CNTNAP5: variants seen among roughly 807,000 people sequenced by gnomAD.
CNTNAP5 encodes contactin-associated protein-like 5.
CNTNAP5 carries 72 observed loss-of-function variants against 150.2 expected under a neutral mutation model. That is an observed-to-expected ratio of 0.48 (90% CI 0.40 to 0.58). The LOEUF is 0.58. Ranked by LOEUF, CNTNAP5 falls within the 20% of genes least tolerant of loss-of-function variation. CNTNAP5 has a pLI of 0.00. For synonymous variants in CNTNAP5, 672 were observed against 619.8 expected, an observed-to-expected ratio of 1.08 and a Z score of -1.25; for missense variants, 1,636 against 1,626.2, an observed-to-expected ratio of 1.01 and a Z score of -0.10.
At chr2:124,503,888 T>A (rs191179309) in intron 7 of CNTNAP5, among the ~76,000 whole-genome samples, 22 of 152,360 alleles carry the variant, frequency 1.4e-4, no homozygotes, top group Non-Finnish European at 2.1e-4. Flanking sequence ...CTTGTCCAGT[T>A]ATTTCTCCTG....
chr2:124,837,724 G>A (rs1017401317), intron 19 of CNTNAP5, among the ~76,000 whole-genome samples: 1 of 152,052 alleles, frequency 6.6e-6, no homozygotes, highest in African/African-American at 2.4e-5. Flanking sequence ...ATATAAACAC[G>A]CTTCTCCTAG....
At chr2:124,588,158 T>C (rs1558966010) in intron 11 of CNTNAP5, among the ~76,000 whole-genome samples, 2 of 9,678 alleles carry the variant, frequency 2.1e-4, no homozygotes, top group Admixed American at 2.5e-3. Flanking sequence ...TTCCTTCCTT[T>C]TCCTTCCTTC....
intron 10 of CNTNAP5, among the ~76,000 whole-genome samples, chr2:124,553,493 G>C (rs1197512637): frequency 1.6e-5 from 2 of 124,710 alleles, no homozygotes; most frequent in Admixed American, 8.7e-5. Flanking sequence ...AGCAGACCAA[G>C]ACTCTGTCTC....
Position 124,391,996 on chromosome 2 carries a change from A to T in CNTNAP5, c.382-25447A>T, listed in dbSNP as rs116620921. Among the ~76,000 whole-genome samples, 449 of 152,272 alleles carry T rather than the reference A, an allele frequency of 2.9e-3. 1 individual carries two copies. Among genetic ancestry groups the T allele is most frequent in the African/African-American group, 0.01 (427 of 41,570 alleles). ...AAAAAAGGGAAAGGTGAGAGCAGGC[A>T]CTGAGAATGACAGGAAAATAAGGCA... On this transcript the variant is annotated intron_variant, in intron 3 of 23. Coordinates refer to ENST00000682447, the MANE Select transcript of CNTNAP5 (RefSeq NM_001367498.1).
chr2:124,746,398 T>A (rs916700887), intron 13 of CNTNAP5, among the ~76,000 whole-genome samples: 8 of 152,214 alleles, frequency 5.3e-5, no homozygotes, highest in African/African-American at 1.9e-4. Flanking sequence ...TCCAGTTAGC[T>A]ATAAAGACTG....
chr2:124,171,053 T>A (rs1350080975), intron 1 of CNTNAP5, among the ~76,000 whole-genome samples: 1 of 152,222 alleles, frequency 6.6e-6, no homozygotes, highest in Non-Finnish European at 1.5e-5. Flanking sequence ...TATTCATTTC[T>A]AAGTTGCTGA....
intron 1 of CNTNAP5, among the ~76,000 whole-genome samples, chr2:124,145,811 T>TAAAAAAAAAAAAAAAAAAA (rs761766577): frequency 7.8e-5 from 1 of 12,790 alleles, no homozygotes; most frequent in Non-Finnish European, 1.4e-4. Context: ...AAAAAAAACA[T>TAAAAAAAAAAAAAAAAAAA]TAAAAAAAAA....
At chr2:124,348,138 A>T (rs970037251) in intron 3 of CNTNAP5, among the ~76,000 whole-genome samples, 5 of 152,020 alleles carry the variant, frequency 3.3e-5, no homozygotes, top group African/African-American at 1.2e-4. Context: ...ACAATTTTTC[A>T]GTGTACAAGT....
chr2:124,857,294 A>G (rs962143070), intron 19 of CNTNAP5, among the ~76,000 whole-genome samples: 1 of 152,132 alleles, frequency 6.6e-6, no homozygotes, highest in Non-Finnish European at 1.5e-5. Flanking sequence ...TGGACTCGGC[A>G]TATAAGGCAA....
chr2:124,707,141 GA>G (rs1167289026), intron 13 of CNTNAP5, among the ~76,000 whole-genome samples: 3 of 15,824 alleles, frequency 1.9e-4, no homozygotes, highest in East Asian at 0.083. Flanking sequence ...AGAAGAAGAG[GA>G]AGAAGAAGAA....
intron 10 of CNTNAP5, among the ~76,000 whole-genome samples, chr2:124,535,474 T>C (rs889540999): frequency 1.3e-5 from 2 of 151,996 alleles, no homozygotes; most frequent in South Asian, 2.1e-4. Context: ...CACACATTCA[T>C]TTAAGAAAGC....
chr2:124,510,314 T>TAG (rs1694542481), intron 8 of CNTNAP5, among the ~76,000 whole-genome samples: 1 of 119,126 alleles, frequency 8.4e-6, no homozygotes, highest in Non-Finnish European at 1.7e-5. Context: ...TATATATATC[T>TAG]ATATATCTAT....
At chr2:124,188,635 C>T (rs191599694) in intron 1 of CNTNAP5, among the ~76,000 whole-genome samples, 2,621 of 144,824 alleles carry the variant, frequency 0.018, 95 homozygotes, top group African/African-American at 0.063. Context: ...AGGAGAATGG[C>T]GTGAACCCAG....
At chr2:124,686,121 C>T (rs1409194919) in intron 13 of CNTNAP5, among the ~76,000 whole-genome samples, 1 of 151,998 alleles carries the variant, frequency 6.6e-6, no homozygotes, top group Admixed American at 6.6e-5. Context: ...TAAATAGAGA[C>T]AGTAGTGTCT....
At chr2:124,543,068 A>G (rs1207561498) in intron 10 of CNTNAP5, among the ~76,000 whole-genome samples, 1 of 152,178 alleles carries the variant, frequency 6.6e-6, no homozygotes, top group Non-Finnish European at 1.5e-5. Flanking sequence ...TTCACGCCAA[A>G]TACTGCTCTA....
chr2:124,400,676 TTTTTTTTTTTTTG>T lies in CNTNAP5; in HGVS notation c.382-16758_382-16746del, dbSNP rs1691391555. On this transcript the variant is annotated intron_variant, in intron 3 of 23. Coordinates refer to ENST00000682447, the MANE Select transcript of CNTNAP5 (RefSeq NM_001367498.1). The stretch of plus-strand genomic sequence containing the variant: ...TGAAAGGATAAAGGCATTGTTTTTT[TTTTTTTTTTTTTG>T]TTTTTTTTCTTTAGTGGAATGTGAA... Among the ~76,000 whole-genome samples, 2 of 101,934 alleles carry T rather than the reference TTTTTTTTTTTTTG, an allele frequency of 2.0e-5. 1 individual carries two copies. Among genetic ancestry groups the T allele is most frequent in the South Asian group, 9.4e-4 (2 of 2,138 alleles). 66.9% of individuals were successfully genotyped at this position (101,934 alleles called of 152,430 possible).
chr2:124,276,984 T>C (rs1056162109), intron 3 of CNTNAP5, among the ~76,000 whole-genome samples: 5 of 152,088 alleles, frequency 3.3e-5, no homozygotes, highest in African/African-American at 1.2e-4. Flanking sequence ...GACCACCTCC[T>C]ACCTGAAGTG....
intron 19 of CNTNAP5, among the ~76,000 whole-genome samples, chr2:124,812,287 G>T (rs991517763): frequency 6.8e-6 from 1 of 147,964 alleles, no homozygotes; most frequent in African/African-American, 2.5e-5. Flanking sequence ...TGCCAGATCT[G>T]GTTCAGGCCT....
intron 7 of CNTNAP5, among the ~76,000 whole-genome samples, chr2:124,476,263 A>G (rs1293533811): frequency 5.9e-5 from 9 of 152,190 alleles, no homozygotes; most frequent in Non-Finnish European, 2.9e-5. Context: ...CTACAATGTC[A>G]AACATCATTT....
Sources: gnomAD v4.1 joint callset for allele counts (sites outside exome capture counted in the v4.1 genomes callset) on GRCh38, gnomAD v4.1.1 for gene constraint, MANE v1.5 for transcripts, NCBI Gene and HGNC (gene_info 2026-07-23, HGNC 2026-07-21) for gene names.